The following MYO16 variants were observed in gnomAD, a reference collection of about 807,000 sequenced individuals.
MYO16 encodes myosin XVI, also known as unconventional myosin-XVI.
A neutral mutation model predicts 205.3 loss-of-function variants in MYO16; 94 were observed. The ratio of observed to expected loss-of-function variants is 0.46; its 90% CI spans 0.39 to 0.54. MYO16 has a LOEUF of 0.54. Ranked by LOEUF, MYO16 falls within the 20% of genes least tolerant of loss-of-function variation. The pLI, the probability that MYO16 is intolerant of heterozygous loss-of-function variation, is 0.00. For missense variants in MYO16, 2,315 were observed against 2,387.5 expected, an observed-to-expected ratio of 0.97 and a Z score of 0.63; for synonymous variants, 988 against 954.0, an observed-to-expected ratio of 1.04 and a Z score of -0.66.
At chr13:108,842,672 A>C (rs1191871762) in intron 9 of MYO16, among the ~76,000 whole-genome samples, 1 of 152,158 alleles carries the variant, frequency 6.6e-6, no homozygotes, top group Admixed American at 6.5e-5. Context: ...AAAGTGGTAT[A>C]GTTGCTACGG....
intron 34 of MYO16, among the ~76,000 whole-genome samples, chr13:109,184,741 C>T (rs567476810): frequency 1.3e-5 from 2 of 151,840 alleles, no homozygotes; most frequent in African/African-American, 2.4e-5. Flanking sequence ...GGATTACAGG[C>T]GCGTGCCACC....
rs750491476 is a variant in MYO16 at position 109,140,217 on chromosome 13, C to T, written c.4052-47C>T. Reference sequence around the variant, plus strand: ...TCGAGCCCCGGGCTTGGTGGGCACCCGTGGGCCTGGCCTGGCACCCACTGA... The same window carrying T: ...TCGAGCCCCGGGCTTGGTGGGCACCTGTGGGCCTGGCCTGGCACCCACTGA... On this transcript the variant is annotated intron_variant, in intron 31 of 34. Coordinates refer to ENST00000457511, the MANE Select transcript of MYO16 (RefSeq NM_001198950.3). The surrounding 1 kb of genome is among the most constrained non-coding windows in gnomAD (Gnocchi z 8.0). 4 of 1,586,434 alleles carry T rather than the reference C, an allele frequency of 2.5e-6. No homozygotes were observed. In the African/African-American group the frequency reaches 4.1e-5, roughly 16 times the overall value.
intron 34 of MYO16, among the ~76,000 whole-genome samples, chr13:109,194,233 G>A (rs1880052138): frequency 1.3e-5 from 2 of 152,134 alleles, no homozygotes; most frequent in African/African-American, 2.4e-5. Context: ...ACAGTTCCTT[G>A]CATTTTCATA....
At chr13:108,563,216 T>A in the MYO16 span, among the ~76,000 whole-genome samples, 1 of 152,214 alleles carries the variant, frequency 6.6e-6, no homozygotes, top group East Asian at 1.9e-4. Flanking sequence ...ATTTTGTGGG[T>A]ACATAGTAGG....
At chr13:109,182,800 C>A (rs1879510252) in intron 34 of MYO16, among the ~76,000 whole-genome samples, 1 of 152,184 alleles carries the variant, frequency 6.6e-6, no homozygotes, top group Non-Finnish European at 1.5e-5. Flanking sequence ...TGATGTTGTA[C>A]TGCATTATAA....
At chr13:109,168,618 G>A (rs994511838) in intron 33 of MYO16, among the ~76,000 whole-genome samples, 1 of 152,060 alleles carries the variant, frequency 6.6e-6, no homozygotes, top group Non-Finnish European at 1.5e-5. Context: ...CCGGCGACTC[G>A]GAAAGCTGAG....
At chr13:108,625,049 C>T (rs1879681188), upstream of MYO16, among the ~76,000 whole-genome samples, 1 of 152,122 alleles carries the variant, frequency 6.6e-6, no homozygotes, top group Admixed American at 6.5e-5. Context: ...GCTGGGTTAG[C>T]CCTCACTGCC....
the MYO16 span, among the ~76,000 whole-genome samples, chr13:108,574,007 C>T: frequency 6.6e-6 from 1 of 152,076 alleles, no homozygotes; most frequent in African/African-American, 2.4e-5. Flanking sequence ...CATGTCAGCA[C>T]ACCTGGCTAA....
At chr13:108,704,664 T>G (rs1458446446) in intron 2 of MYO16, among the ~76,000 whole-genome samples, 1 of 152,056 alleles carries the variant, frequency 6.6e-6, no homozygotes, top group African/African-American at 2.4e-5. Flanking sequence ...GTTTTACAAT[T>G]GATAAACCTA....
intron 13 of MYO16, among the ~76,000 whole-genome samples, chr13:108,885,040 G>C (rs1350101910): frequency 7.1e-6 from 1 of 141,596 alleles, no homozygotes; most frequent in Non-Finnish European, 1.5e-5. Flanking sequence ...TTCTAGACAC[G>C]AGGATGAGAA....
At chr13:108,780,029 T>C (rs1594287985) in intron 4 of MYO16, 1 of 152,232 alleles carries the variant, frequency 6.6e-6, no homozygotes, top group African/African-American at 2.4e-5. Context: ...AAATGCTTCA[T>C]TGACCACGGA....
the MYO16 span, among the ~76,000 whole-genome samples, chr13:108,583,044 T>A: frequency 6.6e-6 from 1 of 152,198 alleles, no homozygotes; most frequent in East Asian, 1.9e-4. Flanking sequence ...AATATTAGAA[T>A]ATTTAAAAAT....
At chr13:109,134,724 G>A (rs1876691521) in intron 31 of MYO16, among the ~76,000 whole-genome samples, 1 of 152,132 alleles carries the variant, frequency 6.6e-6, no homozygotes, top group African/African-American at 2.4e-5. Flanking sequence ...TCGCTTTCAG[G>A]GAGCCAGTTT....
rs1887505278 is a variant in MYO16, at chr13:109,059,105, A to G, written c.3335+3510A>G. ...CACCACATCTGCAGTTGCTTTCTCC[A>G]CTGGCGTATTGAACCCCTCAAAGTC... On this transcript the variant is annotated intron_variant, in intron 27 of 34. Coordinates refer to ENST00000457511, the MANE Select transcript of MYO16 (RefSeq NM_001198950.3). 3.3e-5 allele frequency among the ~76,000 whole-genome samples: 5 copies of G among 152,252 alleles called. No homozygotes were observed. The South Asian group carries it at 1.0e-3, about 32-fold the overall frequency.
chr13:109,085,024 G>T (rs1222617992), intron 27 of MYO16, among the ~76,000 whole-genome samples: 1 of 152,126 alleles, frequency 6.6e-6, no homozygotes, highest in African/African-American at 2.4e-5. Flanking sequence ...CCCGAAAGGG[G>T]TGTACACACA....
intron 1 of MYO16, among the ~76,000 whole-genome samples, chr13:108,663,313 A>T (rs1881584523): frequency 6.7e-6 from 1 of 149,372 alleles, no homozygotes; most frequent in African/African-American, 2.5e-5. Flanking sequence ...TTCTTTCTTT[A>T]TTTTTTTTTT....
At chr13:108,612,602 C>T (rs924887375) in intron 1 of MYO16, among the ~76,000 whole-genome samples, 1 of 151,914 alleles carries the variant, frequency 6.6e-6, no homozygotes, top group East Asian at 1.9e-4. Flanking sequence ...AGGAAACACT[C>T]GAGGAAATAA....
At chr13:109,012,708 G>A (rs1274128015) in intron 22 of MYO16, among the ~76,000 whole-genome samples, 2 of 151,642 alleles carry the variant, frequency 1.3e-5, no homozygotes, top group African/African-American at 4.9e-5. Context: ...AAGATTAGAG[G>A]TTGGGAAGTG....
At chr13:109,054,974 T>A in intron 25 of MYO16, 72 bp from the exon 26 acceptor site, 7 of 837,522 alleles carry the variant, frequency 8.4e-6, no homozygotes, top group East Asian at 3.5e-5. Context: ...TCCTCCCTCC[T>A]TTTCCTCCTT....
Sources: gnomAD v4.1 joint callset for allele counts (sites outside exome capture counted in the v4.1 genomes callset) on GRCh38, gnomAD v4.1.1 for gene constraint, Gnocchi (gnomAD v3.1) non-coding constraint, MANE v1.5 for transcripts, NCBI Gene and HGNC (gene_info 2026-07-23, HGNC 2026-07-21) for gene names.